The following TRPM7 variants were observed in gnomAD, a reference collection of about 807,000 sequenced individuals.
The protein encoded by TRPM7 is LTRPC ion channel family member 7.
A neutral mutation model predicts 229.7 loss-of-function variants in TRPM7; 134 were observed. The ratio of observed to expected loss-of-function variants is 0.58; its 90% CI spans 0.51 to 0.67. The LOEUF is 0.67. Among genes scored for constraint, TRPM7 ranks in the 30% least tolerant of loss-of-function variants. The probability of loss-of-function intolerance (pLI) is 0.00; values close to 1 mark genes in which losing one functional copy is unlikely to be tolerated. For missense variants in TRPM7, 1,901 were observed against 2,210.0 expected, an observed-to-expected ratio of 0.86 and a Z score of 2.80; for synonymous variants, 699 against 715.2, an observed-to-expected ratio of 0.98 and a Z score of 0.36.
intron 15 of TRPM7, among the ~76,000 whole-genome samples, chr15:50,613,500 T>C (rs1596194137): frequency 2.5e-5 from 1 of 39,418 alleles, no homozygotes; most frequent in African/African-American, 8.5e-5. Context: ...GACTCCTGTC[T>C]CAAAAAAAAA....
At chr15:50,590,593 AAT>A (rs1373381572) in intron 26 of TRPM7, among the ~76,000 whole-genome samples, 1 of 152,214 alleles carries the variant, frequency 6.6e-6, no homozygotes, top group African/African-American at 2.4e-5. Context: ...ATGTAGAGAA[AAT>A]ATATATGATA....
At chr15:50,621,335 C>T (rs561630815) in intron 12 of TRPM7, among the ~76,000 whole-genome samples, 2 of 151,952 alleles carry the variant, frequency 1.3e-5, no homozygotes, top group Non-Finnish European at 2.9e-5. Flanking sequence ...TTTTCTCTAA[C>T]GGTATGTAAT....
intron 1 of TRPM7, among the ~76,000 whole-genome samples, chr15:50,669,584 T>C (rs1189019846): frequency 6.6e-6 from 1 of 152,192 alleles, no homozygotes; most frequent in Non-Finnish European, 1.5e-5. Flanking sequence ...TGGCCAAGTA[T>C]AACAAAGCAA....
chr15:50,679,421 G>A (rs2062178244), intron 1 of TRPM7, among the ~76,000 whole-genome samples: 1 of 142,808 alleles, frequency 7.0e-6, no homozygotes, highest in African/African-American at 2.7e-5. Context: ...TGAGCAGGGT[G>A]TTGATACTTT....
chr15:50,575,148 T>A lies in TRPM7; in HGVS notation c.4736-13A>T. 1 of 1,542,194 alleles carries A rather than the reference T, an allele frequency of 6.5e-7. No individual in the cohort carries two copies. Among genetic ancestry groups the A allele is most frequent in the Non-Finnish European group, 8.7e-7 (1 of 1,144,488 alleles). On this transcript the variant is annotated splice_polypyrimidine_tract_variant and intron_variant, in intron 33 of 38. Transcript: ENST00000646667. ...GTGACAGGCTCCCCTGCAACACAAATGGAAAAAGTTTAAGATTAAATTGTG... is the reference window on the plus strand; with the variant it reads ...GTGACAGGCTCCCCTGCAACACAAAAGGAAAAAGTTTAAGATTAAATTGTG...
At chr15:50,607,040 T>C (rs2059934699) in intron 20 of TRPM7, among the ~76,000 whole-genome samples, 160 bp downstream of exon 20, 1 of 152,184 alleles carries the variant, frequency 6.6e-6, no homozygotes, top group Admixed American at 6.5e-5. Flanking sequence ...CTCTATTCTT[T>C]TGCCATTATT....
intron 12 of TRPM7, among the ~76,000 whole-genome samples, chr15:50,621,569 T>G (rs371550850): frequency 6.6e-6 from 1 of 152,192 alleles, no homozygotes; most frequent in South Asian, 2.1e-4. Context: ...TCATTCTTAT[T>G]CTCTCAGTGT....
chr15:50,639,979 C>T (rs2061041466), intron 5 of TRPM7, among the ~76,000 whole-genome samples: 1 of 152,078 alleles, frequency 6.6e-6, no homozygotes, highest in South Asian at 2.1e-4. Context: ...CAAAAAGGAA[C>T]AAAAACCACT....
chr15:50,685,776 C>A (rs1407484919), intron 1 of TRPM7, among the ~76,000 whole-genome samples: 1 of 152,072 alleles, frequency 6.6e-6, no homozygotes, highest in Non-Finnish European at 1.5e-5. Context: ...TGCAATGCAC[C>A]GCCTCCCTCT....
chr15:50,628,111 T>G, intron 11 of TRPM7, 38 bp downstream of exon 11: 1 of 1,401,860 alleles, frequency 7.1e-7, no homozygotes, highest in Non-Finnish European at 1.0e-6. Context: ...TTACTTAGTG[T>G]AATTTAATTG....
chr15:50,626,962 G>A (rs938879242), intron 11 of TRPM7, among the ~76,000 whole-genome samples: 12 of 152,098 alleles, frequency 7.9e-5, no homozygotes, highest in African/African-American at 2.9e-4. Flanking sequence ...AGGAGAATTT[G>A]CCACAATTAA....
intron 23 of TRPM7, among the ~76,000 whole-genome samples, chr15:50,595,803 G>A (rs1185783445): frequency 6.6e-6 from 1 of 152,172 alleles, no homozygotes; most frequent in East Asian, 1.9e-4. Context: ...AACTAAGGTT[G>A]CAGTGAGCCA....
At position 50,561,127 on chromosome 15, in the gene TRPM7, C is replaced by G. The variant is rs1333531464; in HGVS notation, c.*551G>C. On this transcript the variant is annotated 3_prime_UTR_variant, in exon 39 of 39. Transcript: ENST00000646667. ...TGAAAATGGTCTTCAGTTCAGGCTT[C>G]TCATACCTCTGTGAACCTAGAATTA... 1 of 152,706 alleles carries G rather than the reference C, an allele frequency of 6.5e-6. No individual in the cohort carries two copies. The highest frequency in any genetic ancestry group is 1.5e-5 in the Non-Finnish European group (1 of 68,158). 9.5% of individuals were successfully genotyped at this position (152,706 alleles called of 1,614,324 possible). A position where few individuals can be genotyped will look rare whatever the true frequency, so the allele number is the denominator to read the frequency against.
intron 13 of TRPM7, among the ~76,000 whole-genome samples, chr15:50,619,488 C>G (rs1444577762): frequency 6.6e-6 from 1 of 152,072 alleles, no homozygotes; most frequent in Non-Finnish European, 1.5e-5. Flanking sequence ...TGCCGAAATG[C>G]TGGGATTACA....
At chr15:50,607,735 C>T (rs2059954234) in intron 19 of TRPM7, among the ~76,000 whole-genome samples, 2 of 151,944 alleles carry the variant, frequency 1.3e-5, no homozygotes, top group African/African-American at 2.4e-5. Flanking sequence ...CCTCCCCAAA[C>T]CAAACAGTAT....
At chr15:50,654,307 C>T (rs2061498908) in intron 3 of TRPM7, among the ~76,000 whole-genome samples, 1 of 150,888 alleles carries the variant, frequency 6.6e-6, no homozygotes, top group Non-Finnish European at 1.5e-5. Context: ...ATTAGCTGGG[C>T]GTGGTGGTGT....
At chr15:50,640,453 C>CT (rs71124399) in intron 5 of TRPM7, among the ~76,000 whole-genome samples, 12,577 of 131,336 alleles carry the variant, frequency 0.096, 682 homozygotes, top group South Asian at 0.12. Flanking sequence ...ATTTTTTTTT[C>CT]TTTTTTTTTT....
At chr15:50,649,163 C>A (rs535223943) in intron 3 of TRPM7, among the ~76,000 whole-genome samples, 19 of 152,092 alleles carry the variant, frequency 1.2e-4, no homozygotes, top group African/African-American at 4.6e-4. Context: ...GTATTTACAC[C>A]GGCTGTGGCT....
At chr15:50,616,008 T>C (rs2060212786) in intron 13 of TRPM7, among the ~76,000 whole-genome samples, 1 of 152,304 alleles carries the variant, frequency 6.6e-6, no homozygotes, top group East Asian at 1.9e-4. Context: ...CCATCTTGAA[T>C]ACAAGATTTT....
Sources: allele counts gnomAD v4.1 joint callset (sites outside exome capture counted in the v4.1 genomes callset), GRCh38; gene constraint gnomAD v4.1.1; transcripts MANE v1.5; gene names NCBI Gene and HGNC (gene_info 2026-07-23, HGNC 2026-07-21).